Variants in CLVS1 observed in about 807,000 individuals in gnomAD.
CLVS1 encodes the protein clavesin-1.
A neutral mutation model predicts 33.1 loss-of-function variants in CLVS1; 10 were observed. The ratio of observed to expected loss-of-function variants is 0.30; its 90% CI spans 0.19 to 0.51. CLVS1 has a LOEUF of 0.51. CLVS1 is among the 20% of genes least tolerant of loss of function. The pLI is 0.97. For synonymous variants in CLVS1, 163 were observed against 166.1 expected (o/e 0.98, Z 0.14); for missense variants, 343 against 433.4 (o/e 0.79, Z 1.85).
At chr8:61,045,349 C>T in the CLVS1 span, among the ~76,000 whole-genome samples, 1 of 152,186 alleles carries the variant, frequency 6.6e-6, no homozygotes, top group Non-Finnish European at 1.5e-5. Context: ...CAAGGGCCCA[C>T]AGAGTGTCTG....
chr8:61,231,591 A>AC (rs113178401), intron 2 of CLVS1, among the ~76,000 whole-genome samples: 66,421 of 151,594 alleles, frequency 0.44, 14,691 homozygotes, highest in African/African-American at 0.45. Context: ...CCTAAGTATA[A>AC]AGAACATTTT....
At chr8:61,397,372 C>T (rs1457132743) in intron 3 of CLVS1, among the ~76,000 whole-genome samples, 2 of 152,070 alleles carry the variant, frequency 1.3e-5, no homozygotes, top group African/African-American at 4.8e-5. Context: ...TTGTTCAAAT[C>T]TTGTGCCAAC....
intron 2 of CLVS1, among the ~76,000 whole-genome samples, chr8:61,169,770 G>A (rs911398673): frequency 7.3e-6 from 1 of 137,038 alleles, no homozygotes; most frequent in Non-Finnish European, 1.6e-5. Flanking sequence ...TGGGCTTTCT[G>A]TGAGTCTCAT....
chr8:61,492,497 C>G (rs1378025127), intron 5 of CLVS1, among the ~76,000 whole-genome samples: 1 of 152,162 alleles, frequency 6.6e-6, no homozygotes, highest in East Asian at 1.9e-4. Flanking sequence ...GCACTTCCAT[C>G]CTTTCTGAAG....
At chr8:61,271,844 C>T (rs1445064161) in intron 2 of CLVS1, among the ~76,000 whole-genome samples, 1 of 150,050 alleles carries the variant, frequency 6.7e-6, no homozygotes, top group East Asian at 2.0e-4. Context: ...CAACCCCTGC[C>T]TTTTTTTGTT....
At chr8:60,967,947 T>A in the CLVS1 span, among the ~76,000 whole-genome samples, 1 of 152,252 alleles carries the variant, frequency 6.6e-6, no homozygotes, top group Non-Finnish European at 1.5e-5. Flanking sequence ...TAATTTAATT[T>A]ATTTATTTAG....
chr8:60,977,123 T>C, the CLVS1 span, among the ~76,000 whole-genome samples: 1 of 152,160 alleles, frequency 6.6e-6, no homozygotes, highest in Non-Finnish European at 1.5e-5. Context: ...AAACAAGTAA[T>C]ATACAATTGC....
the CLVS1 span, among the ~76,000 whole-genome samples, chr8:61,019,250 T>C: frequency 6.6e-6 from 1 of 152,244 alleles, no homozygotes; most frequent in Non-Finnish European, 1.5e-5. Flanking sequence ...TCTCAACTCC[T>C]GGCAAGGAGT....
chr8:61,011,995 A>G, the CLVS1 span, among the ~76,000 whole-genome samples: 1 of 152,200 alleles, frequency 6.6e-6, no homozygotes, highest in African/African-American at 2.4e-5. Flanking sequence ...CTCTGAGTGG[A>G]GAAGGCCAGT....
chr8:61,042,357 C>A, the CLVS1 span, among the ~76,000 whole-genome samples: 3 of 152,178 alleles, frequency 2.0e-5, no homozygotes, highest in Non-Finnish European at 2.9e-5. Context: ...TGTATTTCAG[C>A]CTGTGACGTT....
chr8:61,223,908 T>C (rs1213923878), intron 2 of CLVS1, among the ~76,000 whole-genome samples: 1 of 152,136 alleles, frequency 6.6e-6, no homozygotes, highest in East Asian at 1.9e-4. Flanking sequence ...GCATGTCTTA[T>C]TTCAGTGAGG....
At chr8:61,274,039 G>C (rs1479560337) in intron 2 of CLVS1, 1 of 152,446 alleles carries the variant, frequency 6.6e-6, no homozygotes, top group Non-Finnish European at 1.5e-5. Flanking sequence ...GATGCCAGCT[G>C]TAGGGAGATA....
rs371335339 is a variant in CLVS1 at position 61,333,837 on chromosome 8, G to T, written c.455+33555G>T. 2.9e-4 allele frequency among the ~76,000 whole-genome samples: 43 copies of T among 150,406 alleles called. No homozygotes were observed. In the South Asian group the frequency reaches 6.9e-3, roughly 24 times the overall value. On this transcript the variant is annotated intron_variant, in intron 2 of 5. Coordinates refer to ENST00000325897, the MANE Select transcript of CLVS1 (RefSeq NM_173519.3). ...TAGTATCCATTTGTTATTTTTTTTT[G>T]ATCCTCTCCCTCCTCCCAACCTCCA...
intron 5 of CLVS1, among the ~76,000 whole-genome samples, chr8:61,464,409 C>T (rs1038732568): frequency 6.6e-6 from 1 of 152,202 alleles, no homozygotes; most frequent in Non-Finnish European, 1.5e-5. Flanking sequence ...GCCAATTCCT[C>T]CCCCAACCCC....
chr8:61,133,987 G>C lies in CLVS1; in HGVS notation c.-152+2127G>C, dbSNP rs191340397. On this transcript the variant is annotated intron_variant, in intron 2 of 2. Coordinates refer to the CLVS1 transcript ENST00000522621. ...GAGAGTGGTTGGGTATGAGAGGTTG[G>C]GAGGAAAAAGAAAGAGAGAATGAGC... is the stretch of plus-strand genomic sequence containing the variant. 4.4e-3 allele frequency among the ~76,000 whole-genome samples: 677 copies of C among 152,138 alleles called. 2 individuals are homozygous for C. Among genetic ancestry groups the C allele is most frequent in the Non-Finnish European group, 7.4e-3 (504 of 67,982 alleles).
the CLVS1 span, among the ~76,000 whole-genome samples, chr8:60,991,930 T>C: frequency 1.2e-4 from 19 of 152,170 alleles, no homozygotes; most frequent in Admixed American, 1.2e-3. Flanking sequence ...TATTTTTAAG[T>C]AGAGACGGGG....
At chr8:61,491,179 T>C (rs1173231493) in intron 5 of CLVS1, among the ~76,000 whole-genome samples, 5 of 152,144 alleles carry the variant, frequency 3.3e-5, no homozygotes, top group African/African-American at 1.2e-4. Flanking sequence ...TTTTGAAAAA[T>C]AAAATCTAAT....
At chr8:61,402,419 A>G (rs965864648) in intron 3 of CLVS1, among the ~76,000 whole-genome samples, 5 of 152,168 alleles carry the variant, frequency 3.3e-5, no homozygotes, top group African/African-American at 9.7e-5. Context: ...TATATATTCT[A>G]TTCAACTCAG....
chr8:61,340,386 ACTT>A (rs1175308177), intron 2 of CLVS1, among the ~76,000 whole-genome samples: 4 of 152,074 alleles, frequency 2.6e-5, no homozygotes, highest in African/African-American at 9.7e-5. Flanking sequence ...TCTACTGTCT[ACTT>A]CTGTGAGTTC....
Sources: allele counts gnomAD v4.1 joint callset (sites outside exome capture counted in the v4.1 genomes callset), GRCh38; gene constraint gnomAD v4.1.1; transcripts MANE v1.5; gene names NCBI Gene and HGNC (gene_info 2026-07-23, HGNC 2026-07-21).